The following HEPH variants were observed in gnomAD, a reference collection of about 807,000 sequenced individuals.
HEPH encodes hephaestin.
In HEPH, 69 loss-of-function variants were observed where a neutral mutation model predicts 80.8. The observed-to-expected ratio is 0.85, with a 90% confidence interval of 0.70 to 1.04. The LOEUF (loss-of-function observed/expected upper bound fraction) is 1.04, where lower values mean the gene tolerates loss of function less well. HEPH is among the 50% of genes least tolerant of loss of function. The pLI, the probability that HEPH is intolerant of heterozygous loss-of-function variation, is 0.00. For synonymous variants in HEPH, 431 were observed against 322.8 expected (o/e 1.34, Z -3.60); for missense variants, 1,115 against 891.3 (o/e 1.25, Z -3.20).
At chrX:66,174,685 G>T (rs1208403715) in intron 4 of HEPH, among the ~76,000 whole-genome samples, 2 of 111,220 alleles carry the variant, frequency 1.8e-5, no homozygotes, top group Admixed American at 9.6e-5. Flanking sequence ...ACTGTTTTTT[G>T]ATTTTTTTTT....
At chrX:66,255,185 G>A (rs2091135564) in intron 16 of HEPH, 44 bp downstream of exon 16, 1 of 870,938 alleles carries the variant, frequency 1.1e-6, no homozygotes, top group South Asian at 2.3e-5. Context: ...AAACTCCCTG[G>A]CAAAAAGAAG....
At chrX:66,173,540 A>G (rs781576672) in intron 3 of HEPH, 49 bp from the exon 4 acceptor site, 16 of 953,948 alleles carry the variant, frequency 1.7e-5, no homozygotes, top group Middle Eastern at 6.1e-4. Flanking sequence ...TGTATTTGCC[A>G]CGGTCCCTCA....
In HEPH at chrX:66,266,723, A is replaced by T. The variant is rs375126248; in HGVS notation, c.*51A>T. ...GGAAGCACATCTGTAGTGCACTCCC[A>T]GCAGGCCATGGACTAGTCACTAACC... On this transcript the variant is annotated 3_prime_UTR_variant, in exon 21 of 21. Transcript: ENST00000343002. 14 of 909,299 alleles carry T rather than the reference A, an allele frequency of 1.5e-5. No individual in the cohort carries two copies. The highest frequency in any genetic ancestry group is 2.2e-5 in the Non-Finnish European group (14 of 636,032). 74.9% of individuals were successfully genotyped at this position (909,299 alleles called of 1,213,427 possible).
intron 15 of HEPH, among the ~76,000 whole-genome samples, chrX:66,221,104 G>T (rs184618947): frequency 2.2e-3 from 241 of 111,499 alleles, no homozygotes; most frequent in Non-Finnish European, 3.8e-3. Flanking sequence ...TCATGCTTCG[G>T]CTGTGCGTGG....
In HEPH at chrX:66,208,231, C is replaced by T; in HGVS notation, c.2548C>T (p.Leu850=). 5.0e-6 allele frequency: 6 copies of T among 1,208,572 alleles called. No individual in the cohort carries two copies. Among genetic ancestry groups the T allele is most frequent in the Non-Finnish European group, 6.7e-6 (6 of 893,786 alleles). The change falls in exon 15 of 21, where the codon CTG becomes TTG. Residue 850 remains leucine, a synonymous_variant. Transcript: ENST00000343002. ...GVLESTTVWP[L]AAEPGEVVTY... The stretch of plus-strand genomic sequence containing the variant: ...GCTAGAATCTACTACTGTCTGGCCA[C>T]TGGCTGCTGAGCCTGGTGAGTGGGG...
At chrX:66,203,057 A>G (rs1400905010) in intron 12 of HEPH, among the ~76,000 whole-genome samples, 2 of 108,357 alleles carry the variant, frequency 1.8e-5, no homozygotes, top group African/African-American at 3.4e-5. Flanking sequence ...AGGGGTTTCT[A>G]GGAATATGGG....
At position 66,207,310 on chromosome X, in the gene HEPH, C is replaced by A; in HGVS notation, c.2407C>A (p.Pro803Thr). ...CAGGATCCCTCGGCCAAGGACTGGA[C>A]CAGAAGAACACTTGGGAATCTTGGG... ...TFRIPRPRTG[P>T]EEHLGILGPL... is the part of the protein sequence containing the mutation. The change falls in exon 14 of 21, where the codon CCA (proline) becomes ACA (threonine). Residue 803 changes from proline (P) to threonine (T), a missense_variant. Physicochemically the swap from Pro to Thr is conservative, Grantham distance 38. This residue lies in a region of HEPH where 716 missense variants were observed against 523.5 expected (regional missense o/e 1.37). Coordinates refer to ENST00000343002, the MANE Select transcript of HEPH (RefSeq NM_001367233.3). The A allele has an allele frequency of 1.7e-6, 2 of 1,192,775 alleles. No individual in the cohort carries two copies. Among genetic ancestry groups the A allele is most frequent in the Non-Finnish European group, 2.3e-6 (2 of 885,077 alleles).
At chrX:66,176,048 T>C (rs1213913421) in intron 4 of HEPH, among the ~76,000 whole-genome samples, 2 of 111,563 alleles carry the variant, frequency 1.8e-5, no homozygotes, top group Admixed American at 9.6e-5. Flanking sequence ...TTTCCAGTAC[T>C]AAGTTGAAGA....
chrX:66,176,262 A>G (rs2086798136), intron 4 of HEPH, among the ~76,000 whole-genome samples: 1 of 111,898 alleles, frequency 8.9e-6, no homozygotes, highest in African/African-American at 3.2e-5. Flanking sequence ...TTCTGCATCT[A>G]TTGTGATGAT....
At chrX:66,212,466 A>C (rs2089182727) in intron 15 of HEPH, among the ~76,000 whole-genome samples, 1 of 111,268 alleles carries the variant, frequency 9.0e-6, no homozygotes, top group Non-Finnish European at 1.9e-5. Flanking sequence ...TTATAGCTTC[A>C]CATATCCATC....
intron 15 of HEPH, among the ~76,000 whole-genome samples, chrX:66,216,376 A>G (rs2089397605): frequency 8.9e-6 from 1 of 111,870 alleles, no homozygotes; most frequent in African/African-American, 3.2e-5. Flanking sequence ...GCTGATATCC[A>G]TGGCTGAGAG....
At chrX:66,170,049 A>T (rs2086525745) in intron 1 of HEPH, 1 of 112,552 alleles carries the variant, frequency 8.9e-6, no homozygotes, top group South Asian at 3.7e-4. Flanking sequence ...AGTGTTCACG[A>T]ACATTTTGAC....
intron 15 of HEPH, among the ~76,000 whole-genome samples, chrX:66,208,687 G>T (rs806608): frequency 0.27 from 21,899 of 80,933 alleles, 3,388 homozygotes; most frequent in African/African-American, 0.46. Flanking sequence ...TGAGCTTAGA[G>T]ACCTGAAATA....
chrX:66,219,909 T>C (rs1292892616), intron 15 of HEPH, among the ~76,000 whole-genome samples: 2 of 111,581 alleles, frequency 1.8e-5, no homozygotes, highest in African/African-American at 6.5e-5. Context: ...TTTGCAACTT[T>C]GGGAATTTAC....
chrX:66,252,793 TA>T (rs1427361071), intron 15 of HEPH, among the ~76,000 whole-genome samples: 1 of 111,737 alleles, frequency 8.9e-6, no homozygotes, highest in African/African-American at 3.2e-5. Flanking sequence ...GATCCAGAAA[TA>T]AACCCTCTAA....
At chrX:66,259,123 C>A (rs1381540542) in intron 18 of HEPH, 144 bp downstream of exon 18, 6 of 618,726 alleles carry the variant, frequency 9.7e-6, no homozygotes, top group African/African-American at 7.0e-5. Flanking sequence ...GCTGGAAATT[C>A]TAGTCTGGCT....
At chrX:66,200,827 A>C in intron 12 of HEPH, 75 bp downstream of exon 12, 2 of 820,081 alleles carry the variant, frequency 2.4e-6, no homozygotes, top group Non-Finnish European at 3.5e-6. Flanking sequence ...AGAGGGAGGG[A>C]TGGTGAAGAG....
chrX:66,178,642 TGG>T (rs1295586547), intron 4 of HEPH, among the ~76,000 whole-genome samples: 1 of 112,067 alleles, frequency 8.9e-6, no homozygotes, highest in African/African-American at 3.2e-5. Context: ...CCATTCTAAC[TGG>T]TGTGGGATGG....
At chrX:66,225,488 C>T (rs906645245) in intron 15 of HEPH, among the ~76,000 whole-genome samples, 7 of 112,474 alleles carry the variant, frequency 6.2e-5, no homozygotes, top group East Asian at 5.6e-4. Flanking sequence ...AAAAAAAGAA[C>T]TAAAGTGCTG....
Sources: gnomAD v4.1 joint callset for allele counts (sites outside exome capture counted in the v4.1 genomes callset) on GRCh38, gnomAD v4.1.1 for gene constraint, gnomAD v4.1.1 regional missense constraint, MANE v1.5 for transcripts, NCBI Gene and HGNC (gene_info 2026-07-23, HGNC 2026-07-21) for gene names.